Variants in CTNNA3 observed in about 807,000 individuals in gnomAD.
CTNNA3 encodes the protein catenin alpha-3.
Under a neutral mutation model 95.7 loss-of-function variants are expected in CTNNA3, and 76 were observed. The observed-to-expected ratio is 0.79, with a 90% CI of 0.66 to 0.96. CTNNA3 has a LOEUF of 0.96. Among genes scored for constraint, CTNNA3 ranks in the 40% least tolerant of loss-of-function variants. The pLI, the probability that CTNNA3 is intolerant of heterozygous loss-of-function variation, is 0.00. For missense variants in CTNNA3, 1,191 were observed against 1,089.8 expected (o/e 1.09, Z -1.31); for synonymous variants, 431 against 374.4 (o/e 1.15, Z -1.74).
intron 7 of CTNNA3, among the ~76,000 whole-genome samples, chr10:66,885,807 C>A (rs1290395094): frequency 2.6e-5 from 4 of 152,036 alleles, no homozygotes; most frequent in Non-Finnish European, 5.9e-5. Flanking sequence ...TGAGAAAATT[C>A]TTTGTAACAC....
At chr10:66,399,877 T>A (rs766605324) in intron 11 of CTNNA3, among the ~76,000 whole-genome samples, 3 of 152,014 alleles carry the variant, frequency 2.0e-5, no homozygotes, top group Non-Finnish European at 4.4e-5. Flanking sequence ...GTCACTTCTC[T>A]GTCCCAACAA....
chr10:66,380,715 T>C (rs2092832015), intron 11 of CTNNA3, among the ~76,000 whole-genome samples: 1 of 151,466 alleles, frequency 6.6e-6, no homozygotes, highest in Non-Finnish European at 1.5e-5. Context: ...TATGTATTCA[T>C]ATATTTCATA....
intron 3 of CTNNA3, among the ~76,000 whole-genome samples, chr10:67,543,182 A>AT (rs1204513569): frequency 1.3e-5 from 2 of 151,840 alleles, no homozygotes; most frequent in African/African-American, 2.4e-5. Context: ...TAAAAACGGG[A>AT]TTTTTTTTAA....
At chr10:66,910,476 C>T (rs533739775) in intron 7 of CTNNA3, among the ~76,000 whole-genome samples, 5 of 152,224 alleles carry the variant, frequency 3.3e-5, no homozygotes, top group African/African-American at 1.2e-4. Context: ...ATAGCCAACT[C>T]ATAAGCCAGA....
intron 5 of CTNNA3, among the ~76,000 whole-genome samples, chr10:67,331,146 G>A (rs770460311): frequency 5.3e-4 from 80 of 152,280 alleles, no homozygotes; most frequent in Middle Eastern, 6.8e-3. Context: ...GAAACTGCCA[G>A]ATTACTGTGT....
intron 9 of CTNNA3, among the ~76,000 whole-genome samples, chr10:66,625,516 GT>G (rs1844903496): frequency 1.3e-5 from 2 of 152,078 alleles, no homozygotes; most frequent in African/African-American, 4.8e-5. Flanking sequence ...AGCCCCTCAA[GT>G]AGCTGGGACT....
chr10:66,237,588 A>C (rs1232384280), intron 13 of CTNNA3, among the ~76,000 whole-genome samples: 1 of 151,808 alleles, frequency 6.6e-6, no homozygotes, highest in Non-Finnish European at 1.5e-5. Flanking sequence ...AGGGGTGTGA[A>C]TATGTAGTAT....
intron 9 of CTNNA3, among the ~76,000 whole-genome samples, chr10:66,764,337 G>C (rs1226801002): frequency 6.6e-6 from 1 of 152,128 alleles, no homozygotes; most frequent in Non-Finnish European, 1.5e-5. Flanking sequence ...GTATAAGGTA[G>C]CATTCCCAAG....
chr10:66,610,995 T>C (rs763233781), intron 10 of CTNNA3, among the ~76,000 whole-genome samples: 2 of 152,122 alleles, frequency 1.3e-5, no homozygotes, highest in Non-Finnish European at 1.5e-5. Flanking sequence ...AAATCCTGTC[T>C]TTTGCAGCAA....
At chr10:67,759,658 C>G (rs1421564452) in intron 1 of CTNNA3, among the ~76,000 whole-genome samples, 1 of 152,118 alleles carries the variant, frequency 6.6e-6, no homozygotes, top group Non-Finnish European at 1.5e-5. Flanking sequence ...ATAGAATAAT[C>G]ACTTTGATAA....
Position 66,928,004 on chromosome 10 carries a change from A to G in CTNNA3, c.1048-152480T>C, listed in dbSNP as rs750348541. ...GTGAAGAACTACAGCATCTGTGGCA[A>G]AAGTACTACAGAGAGGTTTGATCTG... On this transcript the variant is annotated intron_variant, in intron 7 of 17. Coordinates refer to ENST00000433211, the MANE Select transcript of CTNNA3 (RefSeq NM_013266.4). 10 of 1,614,198 alleles carry G rather than the reference A, an allele frequency of 6.2e-6. No individual in the cohort carries two copies. The South Asian group carries it at 9.9e-5, about 16-fold the overall frequency.
chr10:66,498,798 G>T (rs563067700), intron 11 of CTNNA3, among the ~76,000 whole-genome samples: 1 of 152,232 alleles, frequency 6.6e-6, no homozygotes, highest in African/African-American at 2.4e-5. Context: ...GCATAGTTGT[G>T]CTTAATTTTT....
At chr10:66,233,762 A>G (rs2089713305) in intron 13 of CTNNA3, among the ~76,000 whole-genome samples, 1 of 152,188 alleles carries the variant, frequency 6.6e-6, no homozygotes, top group Non-Finnish European at 1.5e-5. Flanking sequence ...TATCTTCTAA[A>G]GCTAAATATG....
chr10:65,934,409 C>T (rs1433436661), intron 17 of CTNNA3, among the ~76,000 whole-genome samples: 4 of 152,002 alleles, frequency 2.6e-5, no homozygotes, highest in Admixed American at 6.6e-5. Flanking sequence ...TGTGGGCACT[C>T]GGTGTAGCAC....
chr10:67,561,952 C>A (rs1841527600), intron 3 of CTNNA3, among the ~76,000 whole-genome samples: 1 of 152,154 alleles, frequency 6.6e-6, no homozygotes, highest in South Asian at 2.1e-4. Context: ...GAAGTTGAAT[C>A]TCTGAATAGA....
chr10:66,309,950 T>TAAATA lies in CTNNA3; in HGVS notation c.1733-29334_1733-29330dup, dbSNP rs1276907516. Among the ~76,000 whole-genome samples the TAAATA allele has an allele frequency of 1.6e-3, 166 of 105,044 alleles. 1 individual carries two copies. Among genetic ancestry groups the TAAATA allele is most frequent in the African/African-American group, 6.6e-3 (164 of 24,910 alleles). The allele number at this position is 105,044 out of a possible 152,430, so 68.9% of individuals were successfully genotyped here. ...ATAAATAAATAAATAAATAAATAAA[T>TAAATA]AAATAAAATAAAAATAAAAATAAAT... On this transcript the variant is annotated intron_variant, in intron 12 of 17. Coordinates refer to ENST00000433211, the MANE Select transcript of CTNNA3 (RefSeq NM_013266.4).
At chr10:66,962,899 G>A (rs538974388) in intron 7 of CTNNA3, among the ~76,000 whole-genome samples, 1 of 152,244 alleles carries the variant, frequency 6.6e-6, no homozygotes, top group Non-Finnish European at 1.5e-5. Context: ...CATAAAGGCT[G>A]AGATTTTTGC....
chr10:67,413,172 C>CA (rs1341200094), intron 5 of CTNNA3, among the ~76,000 whole-genome samples: 5 of 151,852 alleles, frequency 3.3e-5, no homozygotes, highest in Non-Finnish European at 7.4e-5. Context: ...AAACAGAAAA[C>CA]AAAAAAGAGC....
intron 1 of CTNNA3, among the ~76,000 whole-genome samples, chr10:67,687,187 G>A (rs1196124838): frequency 6.6e-6 from 1 of 152,106 alleles, no homozygotes; most frequent in African/African-American, 2.4e-5. Flanking sequence ...TCAATTTCCT[G>A]GCCCTCAATG....
Sources: allele counts gnomAD v4.1 joint callset (sites outside exome capture counted in the v4.1 genomes callset), GRCh38; gene constraint gnomAD v4.1.1; transcripts MANE v1.5; gene names NCBI Gene and HGNC (gene_info 2026-07-23, HGNC 2026-07-21).